BAIAP2L1: variants seen among roughly 807,000 people sequenced by gnomAD.
BAIAP2L1 encodes BAR/IMD domain-containing adapter protein 2-like 1.
In BAIAP2L1, 35 loss-of-function variants were observed where a neutral mutation model predicts 66.3. That is an observed-to-expected ratio of 0.53 (90% CI 0.40 to 0.70). The LOEUF (loss-of-function observed/expected upper bound fraction) is 0.70, where lower values mean the gene tolerates loss of function less well. Ranked by LOEUF, BAIAP2L1 falls within the 30% of genes least tolerant of loss-of-function variation. The pLI, the probability that BAIAP2L1 is intolerant of heterozygous loss-of-function variation, is 0.00. For synonymous variants in BAIAP2L1, 269 were observed against 248.7 expected, an observed-to-expected ratio of 1.08 and a Z score of -0.77; for missense variants, 622 against 656.9, an observed-to-expected ratio of 0.95 and a Z score of 0.58.
intron 1 of BAIAP2L1, among the ~76,000 whole-genome samples, chr7:98,369,055 T>C (rs1802452712): frequency 1.3e-5 from 2 of 152,108 alleles, no homozygotes; most frequent in African/African-American, 4.8e-5. Flanking sequence ...TTTTTTTTTT[T>C]TTTTTTCAGA....
At chr7:98,346,613 A>G (rs1242748459) in intron 3 of BAIAP2L1, among the ~76,000 whole-genome samples, 1 of 152,198 alleles carries the variant, frequency 6.6e-6, no homozygotes, top group Non-Finnish European at 1.5e-5. Context: ...AGATACCAAG[A>G]TTAGACAGTT....
At chr7:98,293,944 C>G in intron 13 of BAIAP2L1, 130 bp downstream of exon 13, 1 of 1,091,964 alleles carries the variant, frequency 9.2e-7, no homozygotes, top group Non-Finnish European at 1.4e-6. Flanking sequence ...GCTGCACTCC[C>G]CCATGGCTCC....
At chr7:98,303,906 GAT>G (rs375298238) in intron 12 of BAIAP2L1, among the ~76,000 whole-genome samples, 14 of 152,316 alleles carry the variant, frequency 9.2e-5, no homozygotes, top group African/African-American at 3.1e-4. Context: ...AGGCAGGAAA[GAT>G]AAGAAACCTA....
intron 12 of BAIAP2L1, among the ~76,000 whole-genome samples, chr7:98,300,690 C>T (rs1482429351): frequency 6.6e-6 from 1 of 152,114 alleles, no homozygotes; most frequent in Non-Finnish European, 1.5e-5. Flanking sequence ...TCAGGAAGCA[C>T]CACCGTGAGG....
In BAIAP2L1 at chr7:98,306,454, G is replaced by T. The variant is rs1421884968; in HGVS notation, c.1226C>A (p.Thr409Asn). Residue 409 changes from threonine to asparagine, a missense_variant, in exon 11 of 14, where the codon ACC becomes AAC. Transcript: ENST00000005260. ...TCAGGGCTACCTTGGCGTGGGCACG[G>T]TCACTGCTTCTGTCTCATTTTCTTC... is the stretch of plus-strand genomic sequence containing the variant. ...LLEENETEAV[T>N]VPTPSPTPVR... 3 of 1,614,152 alleles carry T rather than the reference G, an allele frequency of 1.9e-6. No individual in the cohort carries two copies. The Admixed American group carries it at 5.0e-5, about 27-fold the overall frequency.
At chr7:98,371,098 C>A (rs1194486479) in intron 1 of BAIAP2L1, among the ~76,000 whole-genome samples, 3 of 152,066 alleles carry the variant, frequency 2.0e-5, no homozygotes, top group Non-Finnish European at 2.9e-5. Flanking sequence ...TGAACAAATC[C>A]ATTTTAATTT....
At chr7:98,338,264 C>CA (rs1244879405) in intron 3 of BAIAP2L1, among the ~76,000 whole-genome samples, 6 of 151,324 alleles carry the variant, frequency 4.0e-5, no homozygotes, top group Admixed American at 6.6e-5. Flanking sequence ...ACTAAAAATA[C>CA]AAAAAAAATT....
chr7:98,310,415 T>C (rs767206411), intron 9 of BAIAP2L1, 30 bp downstream of exon 9: 1 of 1,563,380 alleles, frequency 6.4e-7, no homozygotes, highest in East Asian at 2.3e-5. Flanking sequence ...GTAAAAGGTA[T>C]CTTCAAATAA....
chr7:98,292,443 G>C lies in BAIAP2L1; in HGVS notation c.*1078C>G. 1 of 587,816 alleles carries C rather than the reference G, an allele frequency of 1.7e-6. No individual in the cohort carries two copies. Among genetic ancestry groups the C allele is most frequent in the Non-Finnish European group, 3.0e-6 (1 of 333,696 alleles). The allele number at this position is 587,816 out of a possible 1,614,324, so 36.4% of individuals were successfully genotyped here. On this transcript the variant is annotated 3_prime_UTR_variant, in exon 14 of 14. Transcript: ENST00000005260. ...CCTGCCTCGGCCTCACAAAATGCTG[G>C]GATTCCCGTACCTGGGCCGGGCTGG...
intron 8 of BAIAP2L1, 122 bp downstream of exon 8, chr7:98,311,975 C>T (rs1367885944): frequency 1.6e-5 from 16 of 1,025,904 alleles, no homozygotes; most frequent in Non-Finnish European, 2.0e-5. Flanking sequence ...GATAGAGGTG[C>T]GAAAAGGTGG....
rs1377652016 is a variant in BAIAP2L1 at position 98,297,111 on chromosome 7, G to C, written c.1423-3000C>G. On this transcript the variant is annotated intron_variant, in intron 12 of 13. Coordinates refer to ENST00000005260, the MANE Select transcript of BAIAP2L1 (RefSeq NM_018842.5). ...CGAAACCAGCAGCCACTACGAGAGT[G>C]GTTGGGCTGCAACTGGAGACTATAG... 2.6e-5 allele frequency among the ~76,000 whole-genome samples: 4 copies of C among 152,348 alleles called. No individual in the cohort carries two copies. The East Asian group carries it at 7.7e-4, about 29-fold the overall frequency.
At chr7:98,362,492 G>A (rs1224818972) in intron 1 of BAIAP2L1, 60 bp from the exon 2 acceptor site, 1 of 1,460,060 alleles carries the variant, frequency 6.8e-7, no homozygotes, top group Non-Finnish European at 9.5e-7. Flanking sequence ...GTCATCTTCA[G>A]ATTTTGTCAC....
intron 1 of BAIAP2L1, among the ~76,000 whole-genome samples, chr7:98,371,493 A>C (rs1215237914): frequency 6.6e-6 from 1 of 152,230 alleles, no homozygotes; most frequent in Non-Finnish European, 1.5e-5. Context: ...TGGAACCAGC[A>C]CACACTATTC....
chr7:98,399,919 T>C (rs1328173445), intron 1 of BAIAP2L1: 1 of 151,972 alleles, frequency 6.6e-6, no homozygotes, highest in African/African-American at 2.4e-5. Context: ...AACTGAAAGG[T>C]GGGAGAGGAA....
intron 5 of BAIAP2L1, among the ~76,000 whole-genome samples, chr7:98,319,600 G>A (rs1801185713): frequency 6.7e-6 from 1 of 148,164 alleles, no homozygotes; most frequent in African/African-American, 2.5e-5. Flanking sequence ...AGGCTGGAGT[G>A]CAGTGGCGCA....
In BAIAP2L1 at chr7:98,292,888, G is replaced by A. The variant is rs368345813; in HGVS notation, c.*633C>T. On this transcript the variant is annotated 3_prime_UTR_variant, in exon 14 of 14. Coordinates refer to ENST00000005260, the MANE Select transcript of BAIAP2L1 (RefSeq NM_018842.5). Reference sequence around the variant, plus strand: ...AGGAGCTCTCGGAGGAGATTTCGTCGAGTGCTACGTGTGGCTGTGATAAGG... The same window carrying A: ...AGGAGCTCTCGGAGGAGATTTCGTCAAGTGCTACGTGTGGCTGTGATAAGG... 2.2e-4 allele frequency: 318 copies of A among 1,434,688 alleles called. 2 individuals carry two copies. In the South Asian group the frequency reaches 4.2e-3, roughly 19 times the overall value. 88.9% of individuals were successfully genotyped at this position (1,434,688 alleles called of 1,614,324 possible).
chr7:98,294,246 G>T (rs1177918030), intron 12 of BAIAP2L1, 135 bp from the exon 13 acceptor site: 2 of 840,558 alleles, frequency 2.4e-6, no homozygotes, highest in South Asian at 3.2e-5. Flanking sequence ...TTCCACCTTG[G>T]CCTCCTAATG....
chr7:98,353,639 G>A (rs2115687212), intron 3 of BAIAP2L1, among the ~76,000 whole-genome samples: 1 of 136,476 alleles, frequency 7.3e-6, no homozygotes, highest in East Asian at 2.0e-4. Flanking sequence ...ATTTATATAT[G>A]TATATTATAT....
Position 98,291,911 on chromosome 7 carries a change from T to G in BAIAP2L1, c.*1610A>C, listed in dbSNP as rs1799973440. 1.3e-5 allele frequency: 2 copies of G among 152,960 alleles called. No homozygotes were observed. Among genetic ancestry groups the G allele is most frequent in the Admixed American group, 1.3e-4 (2 of 15,332 alleles). 9.5% of individuals were successfully genotyped at this position (152,960 alleles called of 1,614,324 possible). A position where few individuals can be genotyped will look rare whatever the true frequency, so the allele number is the denominator to read the frequency against. The stretch of plus-strand genomic sequence containing the variant: ...CCCAGCAGTTCCCCTTAGCGCCAGA[T>G]GGGGCTCCCTGAGCCCTGTGGCTGA... On this transcript the variant is annotated 3_prime_UTR_variant, in exon 14 of 14. Transcript: ENST00000005260.
Sources: allele counts gnomAD v4.1 joint callset (sites outside exome capture counted in the v4.1 genomes callset), GRCh38; gene constraint gnomAD v4.1.1; transcripts MANE v1.5; gene names NCBI Gene and HGNC (gene_info 2026-07-23, HGNC 2026-07-21).